Variants in CLYBL observed in about 807,000 individuals in gnomAD.
CLYBL encodes citramalyl-CoA lyase, mitochondrial.
CLYBL carries 31 observed loss-of-function variants against 38.9 expected under a neutral mutation model. The ratio of observed to expected loss-of-function variants is 0.80; its 90% CI spans 0.60 to 1.08. The LOEUF (loss-of-function observed/expected upper bound fraction) is 1.08. CLYBL is among the 50% of genes least tolerant of loss of function. The probability of loss-of-function intolerance (pLI) is 0.00; values close to 1 mark genes in which losing one functional copy is unlikely to be tolerated. For synonymous variants in CLYBL, 171 were observed against 158.6 expected (o/e 1.08, Z -0.59); for missense variants, 434 against 411.6 (o/e 1.05, Z -0.47).
chr13:99,885,603 A>G (rs762845502), intron 7 of CLYBL, among the ~76,000 whole-genome samples: 1 of 152,168 alleles, frequency 6.6e-6, no homozygotes, highest in Non-Finnish European at 1.5e-5. Context: ...TCCTGGCACC[A>G]TGTCCCTGAG....
rs575437585 is a variant in CLYBL at position 99,840,579 on chromosome 13, G to A, written c.250-18282G>A. Among the ~76,000 whole-genome samples the A allele has an allele frequency of 2.4e-3, 359 of 151,804 alleles. 2 individuals carry two copies. Among genetic ancestry groups the A allele is most frequent in the African/African-American group, 8.5e-3 (352 of 41,404 alleles). On this transcript the variant is annotated intron_variant, in intron 2 of 8. Coordinates refer to ENST00000339105, the MANE Select transcript of CLYBL (RefSeq NM_206808.5). Reference sequence around the variant, plus strand: ...TAGAGACCAGCCTAGGCAATATGGCGAAAACCTGTCTCTACAAAAAATTAG... The same window carrying A: ...TAGAGACCAGCCTAGGCAATATGGCAAAAACCTGTCTCTACAAAAAATTAG...
At chr13:99,637,305 G>T (rs1170518131) in intron 1 of CLYBL, among the ~76,000 whole-genome samples, 4 of 152,178 alleles carry the variant, frequency 2.6e-5, no homozygotes, top group Non-Finnish European at 5.9e-5. Context: ...CTCTCCCTGT[G>T]TTGAAAATTC....
intron 1 of CLYBL, among the ~76,000 whole-genome samples, chr13:99,624,852 A>G (rs914303196): frequency 6.6e-6 from 1 of 152,222 alleles, no homozygotes; most frequent in African/African-American, 2.4e-5. Context: ...TTTTAAGAAA[A>G]TCATGGTCTT....
chr13:99,871,085 G>A (rs747225277), intron 7 of CLYBL, 23 bp downstream of exon 7: 3 of 1,612,302 alleles, frequency 1.9e-6, no homozygotes, highest in Non-Finnish European at 2.5e-6. Flanking sequence ...TTAATGCCTT[G>A]GGTGAGAGCA....
Position 99,849,131 on chromosome 13 carries a change from C to CCAT in CLYBL, c.250-9728_250-9726dup, listed in dbSNP as rs1014756350. 7.3e-6 allele frequency among the ~76,000 whole-genome samples: 1 copy of CCAT among 136,546 alleles called. No homozygotes were observed. Among genetic ancestry groups the CCAT allele is most frequent in the Non-Finnish European group, 1.5e-5 (1 of 64,920 alleles). The allele number at this position is 136,546 out of a possible 152,430, so 89.6% of individuals were successfully genotyped here. ...TCCAGCCTAAGAGACACGTGAGACT[C>CCAT]CATCTCAAAAAAAGAAAAAAGAAAA... On this transcript the variant is annotated intron_variant, in intron 2 of 8. Coordinates refer to ENST00000339105, the MANE Select transcript of CLYBL (RefSeq NM_206808.5). The surrounding 1 kb of genome is among the most constrained non-coding windows in gnomAD (Gnocchi z 4.9).
intron 1 of CLYBL, among the ~76,000 whole-genome samples, chr13:99,717,112 C>T (rs566959909): frequency 5.3e-5 from 8 of 151,924 alleles, no homozygotes; most frequent in African/African-American, 1.2e-4. Context: ...TTTCTTGAAC[C>T]GCTTGTATAA....
chr13:99,613,411 A>G (rs530632616), intron 1 of CLYBL, among the ~76,000 whole-genome samples: 29 of 152,258 alleles, frequency 1.9e-4, no homozygotes, highest in Non-Finnish European at 2.9e-4. Flanking sequence ...CAGCAGGGCC[A>G]TGGAAGGTGG....
intron 1 of CLYBL, among the ~76,000 whole-genome samples, chr13:99,677,746 A>G (rs1197946752): frequency 1.3e-5 from 2 of 152,216 alleles, no homozygotes; most frequent in Non-Finnish European, 2.9e-5. Flanking sequence ...TTCATGCTGA[A>G]TATCTACTCA....
chr13:99,882,761 A>G (rs2052244265), intron 7 of CLYBL, among the ~76,000 whole-genome samples: 1 of 152,100 alleles, frequency 6.6e-6, no homozygotes, highest in African/African-American at 2.4e-5. Flanking sequence ...CCCTCCTCCA[A>G]TTTTCAGTTT....
intron 3 of CLYBL, 106 bp from the exon 4 acceptor site, chr13:99,862,885 G>T: frequency 2.1e-6 from 1 of 478,928 alleles, no homozygotes. Flanking sequence ...AAAGAGGCTT[G>T]GATATTACTT....
chr13:99,897,973 G>T (rs1667468082), downstream of CLYBL, among the ~76,000 whole-genome samples: 1 of 151,104 alleles, frequency 6.6e-6, no homozygotes, highest in African/African-American at 2.5e-5. Context: ...AAGAAAACTG[G>T]GCAGGTTCCC....
At chr13:99,675,759 C>T (rs1362655434) in intron 1 of CLYBL, among the ~76,000 whole-genome samples, 5 of 152,210 alleles carry the variant, frequency 3.3e-5, no homozygotes, top group Non-Finnish European at 5.9e-5. Context: ...ATATATACCA[C>T]ATTTTATTTA....
chr13:99,695,988 G>T (rs1040441980), intron 1 of CLYBL, among the ~76,000 whole-genome samples: 4 of 152,114 alleles, frequency 2.6e-5, no homozygotes, highest in Admixed American at 6.5e-5. Flanking sequence ...CGTGTTCTGA[G>T]CCCCAACAGT....
chr13:99,716,355 T>C (rs72653919), intron 1 of CLYBL, among the ~76,000 whole-genome samples: 7,968 of 149,350 alleles, frequency 0.053, 311 homozygotes, highest in Non-Finnish European at 0.086. Context: ...TATAGAAATG[T>C]AAAATTGAGA....
At chr13:99,753,186 G>C (rs151328832) in intron 1 of CLYBL, among the ~76,000 whole-genome samples, 1 of 152,164 alleles carries the variant, frequency 6.6e-6, no homozygotes, top group Non-Finnish European at 1.5e-5. Context: ...ACCTGTAACT[G>C]AGGGTGGTAA....
At chr13:99,668,768 G>C (rs982889846) in intron 1 of CLYBL, among the ~76,000 whole-genome samples, 2 of 152,082 alleles carry the variant, frequency 1.3e-5, no homozygotes, top group Non-Finnish European at 2.9e-5. Context: ...TGCCAAGCTG[G>C]GGGTGTCCTG....
intron 2 of CLYBL, among the ~76,000 whole-genome samples, chr13:99,775,954 G>A (rs1236462545): frequency 2.6e-5 from 4 of 151,726 alleles, no homozygotes; most frequent in African/African-American, 9.7e-5. Context: ...ACAAGGTCAG[G>A]AGATCAAGAC....
chr13:99,758,056 A>G (rs1190722561), intron 1 of CLYBL, among the ~76,000 whole-genome samples: 3 of 152,224 alleles, frequency 2.0e-5, no homozygotes, highest in Non-Finnish European at 2.9e-5. Flanking sequence ...ACCTGCAGCA[A>G]CAGCTCACTT....
chr13:99,856,595 T>C lies in CLYBL; in HGVS notation c.250-2266T>C, dbSNP rs150581954. The stretch of plus-strand genomic sequence containing the variant: ...TTTAGGTTCTCCACAGCCATGGATC[T>C]AAATGTGCCTTCCAAAAAGCTGAAA... On this transcript the variant is annotated intron_variant, in intron 2 of 8. Transcript: ENST00000339105. Among the ~76,000 whole-genome samples the C allele has an allele frequency of 1.4e-3, 207 of 152,308 alleles. 8 individuals carry two copies. In the East Asian group the frequency reaches 0.037, roughly 27 times the overall value.
Sources: allele counts gnomAD v4.1 joint callset (sites outside exome capture counted in the v4.1 genomes callset), GRCh38; gene constraint gnomAD v4.1.1; non-coding constraint Gnocchi (gnomAD v3.1); transcripts MANE v1.5; gene names NCBI Gene and HGNC (gene_info 2026-07-23, HGNC 2026-07-21).